The following PGPEP1L variants were observed in gnomAD, a reference collection of about 807,000 sequenced individuals.
The protein encoded by PGPEP1L is pyroglutamyl-peptidase 1-like protein.
PGPEP1L carries 7 observed loss-of-function variants against 6.0 expected under a neutral mutation model. The ratio of observed to expected loss-of-function variants is 1.17; its 90% CI spans 0.66 to 2.19. The LOEUF is 2.19. PGPEP1L is among the 30% of genes most tolerant of loss of function. The pLI is 0.00. For synonymous variants in PGPEP1L, 103 were observed against 83.9 expected, an observed-to-expected ratio of 1.23 and a Z score of -1.24; for missense variants, 209 against 192.5, an observed-to-expected ratio of 1.09 and a Z score of -0.51.
intron 2 of PGPEP1L, among the ~76,000 whole-genome samples, chr15:98,985,068 A>G (rs1167573900): frequency 6.6e-6 from 1 of 152,154 alleles, no homozygotes; most frequent in Non-Finnish European, 1.5e-5. Flanking sequence ...TGAGCAGCCT[A>G]TAGTGCAGTC....
intron 2 of PGPEP1L, among the ~76,000 whole-genome samples, chr15:98,975,217 G>C (rs928310079): frequency 1.3e-5 from 2 of 152,114 alleles, no homozygotes; most frequent in Non-Finnish European, 2.9e-5. Flanking sequence ...AAATAAGCCA[G>C]GCACAGACAC....
In PGPEP1L at chr15:98,969,439, G is replaced by A. The variant is rs1230516634; in HGVS notation, c.195C>T (p.Ser65=). 3 of 1,614,002 alleles carry A rather than the reference G, an allele frequency of 1.9e-6. No individual in the cohort carries two copies. The change falls in exon 4 of 5, where the codon TCC becomes TCT. Residue 65 remains serine, a synonymous_variant. Transcript: ENST00000535714. ...ACAGAGCATACCTGCCTGCATCTCG[G>A]GAAAAGATCACGTCGACACCCTCCA... ...VAVEGVDVIF[S]RDAGRYVCDY...
intron 2 of PGPEP1L, among the ~76,000 whole-genome samples, chr15:98,992,302 A>C (rs1469644628): frequency 6.6e-6 from 1 of 152,182 alleles, no homozygotes; most frequent in Non-Finnish European, 1.5e-5. Context: ...CTATACACCA[A>C]TAACAGACAA....
intron 2 of PGPEP1L, among the ~76,000 whole-genome samples, chr15:98,978,692 T>G (rs1196372671): frequency 2.0e-5 from 3 of 148,666 alleles, no homozygotes; most frequent in African/African-American, 7.4e-5. Context: ...TCTTTTTCTC[T>G]AGCATTAGAC....
chr15:98,994,681 T>A (rs2017864236), intron 2 of PGPEP1L, among the ~76,000 whole-genome samples: 1 of 152,208 alleles, frequency 6.6e-6, no homozygotes, highest in Non-Finnish European at 1.5e-5. Context: ...CCTCCTTGCA[T>A]TTCACACTGT....
At chr15:98,997,812 C>CA (rs1435547042) in intron 2 of PGPEP1L, among the ~76,000 whole-genome samples, 2 of 152,126 alleles carry the variant, frequency 1.3e-5, no homozygotes, top group African/African-American at 4.8e-5. Flanking sequence ...AGAAGGGACA[C>CA]AGACAATAGA....
At chr15:98,986,709 T>G (rs1039251048) in intron 2 of PGPEP1L, among the ~76,000 whole-genome samples, 2 of 152,230 alleles carry the variant, frequency 1.3e-5, no homozygotes, top group South Asian at 4.1e-4. Flanking sequence ...GACAACTTCA[T>G]GGAGAACTTT....
chr15:98,992,910 CTG>C (rs1267048978), intron 2 of PGPEP1L, among the ~76,000 whole-genome samples: 15 of 152,190 alleles, frequency 9.9e-5, no homozygotes, highest in African/African-American at 3.6e-4. Context: ...AAAGCTGAAA[CTG>C]GAACCCTTCC....
intron 2 of PGPEP1L, among the ~76,000 whole-genome samples, chr15:98,995,222 C>G (rs778372931): frequency 6.6e-6 from 1 of 152,160 alleles, no homozygotes; most frequent in East Asian, 1.9e-4. Context: ...TTTCTGTCTT[C>G]TTTCTGTATC....
rs139130230 is a variant in PGPEP1L, at chr15:99,001,098, C to T, written c.-142+4331G>A. On this transcript the variant is annotated intron_variant, in intron 2 of 4. Coordinates refer to ENST00000535714, the MANE Select transcript of PGPEP1L (RefSeq NM_001167902.2). The stretch of plus-strand genomic sequence containing the variant: ...CTCCTGAGCCAGCAAGACCATGAAC[C>T]CACCAGAAGGAAGAAACTCTGAACA... 1.7e-3 allele frequency: 704 copies of T among 421,052 alleles called. 4 individuals carry two copies. The highest frequency in any genetic ancestry group is 0.013 in the African/African-American group (610 of 47,822). 26.1% of individuals were successfully genotyped at this position (421,052 alleles called of 1,614,324 possible). A position where few individuals can be genotyped will look rare whatever the true frequency, so the allele number is the denominator to read the frequency against.
At chr15:98,990,371 A>T (rs2017803189) in intron 2 of PGPEP1L, among the ~76,000 whole-genome samples, 1 of 152,230 alleles carries the variant, frequency 6.6e-6, no homozygotes, top group African/African-American at 2.4e-5. Context: ...AAAGAAGGGC[A>T]TCACATAATG....
chr15:98,982,067 T>G (rs2017672294), intron 2 of PGPEP1L, among the ~76,000 whole-genome samples: 1 of 152,250 alleles, frequency 6.6e-6, no homozygotes, highest in Non-Finnish European at 1.5e-5. Flanking sequence ...AACATATGAC[T>G]CACTTGTCTG....
chr15:98,968,713 A>G lies in PGPEP1L; in HGVS notation c.210-16T>C, dbSNP rs1347886637. On this transcript the variant is annotated splice_polypyrimidine_tract_variant and intron_variant, in intron 4 of 4. Coordinates refer to ENST00000535714, the MANE Select transcript of PGPEP1L (RefSeq NM_001167902.2). Reference sequence around the variant, plus strand: ...ACAGACGTATCTGCAACCACAGGAAATGCCACATTAATTCTCGGACCAGCC... The same window carrying G: ...ACAGACGTATCTGCAACCACAGGAAGTGCCACATTAATTCTCGGACCAGCC... 7.7e-6 allele frequency: 12 copies of G among 1,551,586 alleles called. No individual in the cohort carries two copies. Among genetic ancestry groups the G allele is most frequent in the Non-Finnish European group, 1.0e-5 (12 of 1,146,694 alleles).
intron 1 of PGPEP1L, among the ~76,000 whole-genome samples, chr15:99,006,411 T>G (rs2018063107): frequency 6.6e-6 from 1 of 152,278 alleles, no homozygotes; most frequent in African/African-American, 2.4e-5. Flanking sequence ...CACCTGGCTC[T>G]GCAGACAGTC....
intron 2 of PGPEP1L, among the ~76,000 whole-genome samples, chr15:98,976,114 G>A (rs2017565982): frequency 6.6e-6 from 1 of 151,904 alleles, no homozygotes; most frequent in Non-Finnish European, 1.5e-5. Flanking sequence ...TGTTAGTGTG[G>A]GACAATGGAA....
chr15:98,980,965 T>C (rs1365358408), intron 2 of PGPEP1L, among the ~76,000 whole-genome samples: 1 of 150,276 alleles, frequency 6.7e-6, no homozygotes, highest in African/African-American at 2.4e-5. Context: ...AACTGTATGG[T>C]AGAGAGGCCT....
intron 2 of PGPEP1L, among the ~76,000 whole-genome samples, chr15:98,984,024 T>A (rs1164737726): frequency 2.2e-4 from 32 of 146,162 alleles, no homozygotes; most frequent in Non-Finnish European, 4.3e-4. Flanking sequence ...TTTTTTTTTT[T>A]TTTTTTTTTC....
At chr15:98,973,184 C>A (rs7171042) in intron 2 of PGPEP1L, among the ~76,000 whole-genome samples, 1 of 152,080 alleles carries the variant, frequency 6.6e-6, no homozygotes, top group African/African-American at 2.4e-5. Flanking sequence ...TGTATATGCA[C>A]CTGACACCAG....
At chr15:98,972,369 A>AATAC (rs1567234514) in intron 2 of PGPEP1L, among the ~76,000 whole-genome samples, 1 of 150,728 alleles carries the variant, frequency 6.6e-6, no homozygotes, top group African/African-American at 2.4e-5. Context: ...TAAATAAATA[A>AATAC]ATAAATAAAT....
Sources: gnomAD v4.1 joint callset for allele counts (sites outside exome capture counted in the v4.1 genomes callset) on GRCh38, gnomAD v4.1.1 for gene constraint, MANE v1.5 for transcripts, NCBI Gene and HGNC (gene_info 2026-07-23, HGNC 2026-07-21) for gene names.